IFNAR1: variants seen among roughly 807,000 people sequenced by gnomAD.
The protein encoded by IFNAR1 is interferon alpha and beta receptor subunit 1.
Under a neutral mutation model 62.1 loss-of-function variants are expected in IFNAR1, and 47 were observed. The observed-to-expected ratio is 0.76, with a 90% confidence interval of 0.60 to 0.97. The LOEUF is 0.97. Ranked by LOEUF, IFNAR1 falls within the 50% of genes least tolerant of loss-of-function variation. The pLI is 0.00. For missense variants in IFNAR1, 638 were observed against 654.5 expected, an observed-to-expected ratio of 0.97 and a Z score of 0.27; for synonymous variants, 219 against 226.9, an observed-to-expected ratio of 0.97 and a Z score of 0.31.
intron 6 of IFNAR1, among the ~76,000 whole-genome samples, chr21:33,347,418 CCGCGCT>C (rs1184656014): frequency 6.6e-6 from 1 of 152,170 alleles, no homozygotes; most frequent in Non-Finnish European, 1.5e-5. Context: ...GCGTGAGGCA[CCGCGCT>C]CAGCCATTTT....
At position 33,344,750 on chromosome 21, in the gene IFNAR1, A is replaced by G. The variant is rs773023202; in HGVS notation, c.674-496A>G. ...TCATTTGATCTTAGCCATCTATTGC[A>G]TTCTTTCTTTTTTACTTATTTATTT... On this transcript the variant is annotated intron_variant, in intron 5 of 10. Coordinates refer to ENST00000270139, the MANE Select transcript of IFNAR1 (RefSeq NM_000629.3). 1.4e-4 allele frequency among the ~76,000 whole-genome samples: 18 copies of G among 126,154 alleles called. 1 individual carries two copies. The highest frequency in any genetic ancestry group is 1.1e-4 in the Non-Finnish European group (6 of 55,162). 82.8% of individuals were successfully genotyped at this position (126,154 alleles called of 152,430 possible).
chr21:33,343,175 G>T, intron 3 of IFNAR1, 93 bp from the exon 4 acceptor site: 1 of 992,312 alleles, frequency 1.0e-6, no homozygotes, highest in East Asian at 2.5e-5. Context: ...AGAAGTGGCA[G>T]GCACATATTA....
chr21:33,333,621 TTTTTC>T (rs1287847649), intron 1 of IFNAR1, among the ~76,000 whole-genome samples: 21 of 133,304 alleles, frequency 1.6e-4, no homozygotes, highest in African/African-American at 6.4e-4. Context: ...AATATTTTTT[TTTTTC>T]TTTTTTTTTT....
At chr21:33,342,812 G>C (rs918864574) in intron 3 of IFNAR1, among the ~76,000 whole-genome samples, 1 of 151,688 alleles carries the variant, frequency 6.6e-6, no homozygotes, top group Non-Finnish European at 1.5e-5. Flanking sequence ...AGCCGAGATC[G>C]TGCCACTGCA....
At chr21:33,354,759 T>G (rs955137419) in intron 10 of IFNAR1, among the ~76,000 whole-genome samples, 3 of 152,014 alleles carry the variant, frequency 2.0e-5, no homozygotes, top group South Asian at 2.1e-4. Flanking sequence ...CCCATAGAGG[T>G]GTTAGGAGCA....
chr21:33,335,129 A>C, intron 1 of IFNAR1: 1 of 673,884 alleles, frequency 1.5e-6, no homozygotes, highest in Non-Finnish European at 2.7e-6. Context: ...ATTGTAAGTC[A>C]AGAAGCATCT....
At chr21:33,354,016 G>C (rs566456020) in intron 10 of IFNAR1, among the ~76,000 whole-genome samples, 1 of 152,190 alleles carries the variant, frequency 6.6e-6, no homozygotes, top group African/African-American at 2.4e-5. Context: ...GCAATTCCTA[G>C]ATTCACTGTG....
intron 2 of IFNAR1, among the ~76,000 whole-genome samples, chr21:33,337,832 G>A (rs2083257704): frequency 1.5e-5 from 2 of 130,554 alleles, no homozygotes; most frequent in Non-Finnish European, 3.4e-5. Flanking sequence ...TCTCAGAATT[G>A]ATCATTTAAA....
At position 33,343,528 on chromosome 21, in the gene IFNAR1, G is replaced by T. The variant is rs1042141482; in HGVS notation, c.532-7G>T. On this transcript the variant is annotated splice_region_variant and splice_polypyrimidine_tract_variant and intron_variant, in intron 4 of 10. Coordinates refer to ENST00000270139, the MANE Select transcript of IFNAR1 (RefSeq NM_000629.3). ...TTTTAAAGAACCAACTTATATTTGT[G>T]TTATAGGAAAGGATTGAAAATATTT... 5.2e-6 allele frequency: 8 copies of T among 1,529,664 alleles called. No individual in the cohort carries two copies. Among genetic ancestry groups the T allele is most frequent in the Non-Finnish European group, 7.2e-6 (8 of 1,110,466 alleles). The allele number at this position is 1,529,664 out of a possible 1,614,324, so 94.8% of individuals were successfully genotyped here.
rs778493300 is a variant in IFNAR1, at chr21:33,353,740, A to G, written c.1397A>G (p.Tyr466Cys). Reference sequence around the variant, plus strand: ...AAAGTCTTCTTGAGATGCATCAATTATGTCTTCTTTCCATCACTTAAACCT... The same window carrying G: ...AAAGTCTTCTTGAGATGCATCAATTGTGTCTTCTTTCCATCACTTAAACCT... ...AAKVFLRCIN[Y>C]VFFPSLKPSS... The change falls in exon 10 of 11, where the codon TAT (tyrosine) becomes TGT (cysteine). Residue 466 changes from tyrosine to cysteine, a missense_variant. Physicochemically the swap from Tyr to Cys is radical, Grantham distance 194. Transcript: ENST00000270139. 2 of 1,590,254 alleles carry G rather than the reference A, an allele frequency of 1.3e-6. No individual in the cohort carries two copies. The highest frequency in any genetic ancestry group is 1.9e-5 in the Admixed American group (1 of 53,900).
chr21:33,355,169 T>G (rs986990143), intron 10 of IFNAR1, 147 bp from the exon 11 acceptor site: 1 of 533,540 alleles, frequency 1.9e-6, no homozygotes, highest in Non-Finnish European at 3.3e-6. Context: ...AGGCAATTAG[T>G]ATGTTCTTAG....
intron 9 of IFNAR1, among the ~76,000 whole-genome samples, 180 bp downstream of exon 9, chr21:33,353,088 T>C (rs1056831609): frequency 8.5e-5 from 13 of 152,244 alleles, no homozygotes; most frequent in African/African-American, 3.1e-4. Flanking sequence ...TTGTAACGCT[T>C]AACTCTCAAG....
rs118172663 is a variant in IFNAR1 at position 33,351,799 on chromosome 21, A to G, written c.1144-959A>G. On this transcript the variant is annotated intron_variant, in intron 8 of 10. Coordinates refer to ENST00000270139, the MANE Select transcript of IFNAR1 (RefSeq NM_000629.3). ...TGGTGGTGGTGGTTGTTTTGGAAATAGGGATTTCCTCAGCCTCCCAAGTAA... is the reference window on the plus strand; with the variant it reads ...TGGTGGTGGTGGTTGTTTTGGAAATGGGGATTTCCTCAGCCTCCCAAGTAA... Among the ~76,000 whole-genome samples, 6 of 151,990 alleles carry G rather than the reference A, an allele frequency of 3.9e-5. No homozygotes were observed. In the East Asian group the frequency reaches 7.7e-4, roughly 20 times the overall value.
At chr21:33,342,788 C>T (rs1480838053) in intron 3 of IFNAR1, among the ~76,000 whole-genome samples, 4 of 150,882 alleles carry the variant, frequency 2.7e-5, no homozygotes, top group Non-Finnish European at 4.4e-5. Context: ...ACCCGGGAGG[C>T]GGAGCTTGCA....
At chr21:33,324,732 G>A (rs1342763478), upstream of IFNAR1, 1 of 395,228 alleles carries the variant, frequency 2.5e-6, no homozygotes, top group Non-Finnish European at 4.7e-6. Context: ...GCCATAGGCC[G>A]GAAAGAGTGA....
chr21:33,331,231 C>G (rs958629865), intron 1 of IFNAR1, among the ~76,000 whole-genome samples: 10 of 152,212 alleles, frequency 6.6e-5, no homozygotes, highest in Non-Finnish European at 2.9e-5. Flanking sequence ...TTCCTGGGAA[C>G]ACACTACCTT....
At chr21:33,331,594 A>G (rs2083181793) in intron 1 of IFNAR1, among the ~76,000 whole-genome samples, 1 of 151,618 alleles carries the variant, frequency 6.6e-6, no homozygotes, top group African/African-American at 2.4e-5. Flanking sequence ...GCTGTTCCCT[A>G]CCCCCCATTC....
chr21:33,343,652 C>A lies in IFNAR1; in HGVS notation c.649C>A (p.Pro217Thr). 2 of 1,603,748 alleles carry A rather than the reference C, an allele frequency of 1.2e-6. No individual in the cohort carries two copies. The highest frequency in any genetic ancestry group is 1.1e-5 in the South Asian group (1 of 89,930). ...GTCATGGAAAATTGGTGTCTATAGT[C>A]CAGTACATTGTATAAAGACCACAGG... is the stretch of plus-strand genomic sequence containing the variant. Reference protein sequence around the residue: ...LTSWKIGVYSPVHCIKTTVEN... With the variant: ...LTSWKIGVYSTVHCIKTTVEN... Residue 217 changes from proline (P) to threonine (T), a missense_variant, in exon 5 of 11, where the codon CCA becomes ACA. Coordinates refer to ENST00000270139, the MANE Select transcript of IFNAR1 (RefSeq NM_000629.3).
chr21:33,326,830 G>A (rs1409165079), intron 1 of IFNAR1, among the ~76,000 whole-genome samples: 2 of 151,942 alleles, frequency 1.3e-5, no homozygotes, highest in Admixed American at 1.3e-4. Context: ...AAATACAAAG[G>A]CAGGGCGTCA....
Sources: allele counts gnomAD v4.1 joint callset (sites outside exome capture counted in the v4.1 genomes callset), GRCh38; gene constraint gnomAD v4.1.1; transcripts MANE v1.5; gene names NCBI Gene and HGNC (gene_info 2026-07-23, HGNC 2026-07-21).